The following SMG7 variants were observed in gnomAD, a reference collection of about 807,000 sequenced individuals.
SMG7 encodes nonsense-mediated mRNA decay factor SMG7.
In SMG7, 34 loss-of-function variants were observed where a neutral mutation model predicts 148.2. The ratio of observed to expected loss-of-function variants is 0.23; its 90% CI spans 0.17 to 0.31. The LOEUF is 0.31. SMG7 is among the 10% of genes least tolerant of loss of function. The probability of loss-of-function intolerance (pLI) is 1.00; values close to 1 mark genes in which losing one functional copy is unlikely to be tolerated. For synonymous variants in SMG7, 492 were observed against 515.1 expected (o/e 0.96, Z 0.61); for missense variants, 1,114 against 1,408.4 (o/e 0.79, Z 3.35).
At chr1:183,508,577 T>C (rs186682413) in intron 1 of SMG7, among the ~76,000 whole-genome samples, 2 of 152,338 alleles carry the variant, frequency 1.3e-5, no homozygotes, top group African/African-American at 4.8e-5. Context: ...ACGTATCCAT[T>C]GATTTGATTT....
At chr1:183,538,351 G>A in intron 11 of SMG7, 29 bp from the exon 12 acceptor site, 12 of 1,557,944 alleles carry the variant, frequency 7.7e-6, no homozygotes, top group Non-Finnish European at 1.1e-5. Context: ...TAATTAAAAT[G>A]TTTGCAAATT....
At chr1:183,497,446 G>C (rs920033010) in intron 1 of SMG7, among the ~76,000 whole-genome samples, 6 of 152,206 alleles carry the variant, frequency 3.9e-5, no homozygotes, top group African/African-American at 1.4e-4. Flanking sequence ...CCAAACCCAG[G>C]ATTGGTAGGA....
intron 16 of SMG7, 77 bp downstream of exon 16, chr1:183,545,389 C>A: frequency 6.8e-7 from 1 of 1,478,916 alleles, no homozygotes; most frequent in Non-Finnish European, 9.1e-7. Context: ...TAGAAATGCT[C>A]ATTAAACTTT....
Position 183,544,471 on chromosome 1 carries a change from C to G in SMG7, c.1961C>G (p.Ala654Gly). The change falls in exon 15 of 23, where the codon GCC becomes GGC. Residue 654 changes from alanine to glycine, a missense_variant. By Grantham distance (60) the Ala-to-Gly change is moderately conservative. This residue lies in a region of SMG7 where 788 missense variants were observed against 894.5 expected (regional missense o/e 0.88). Coordinates refer to ENST00000688051, the MANE Select transcript of SMG7 (RefSeq NM_001375584.1). ...TTCATCCCCATTCATCACCCTGGAG[C>G]CTTCCCTCCTCTTCCCAGCAGGCCA... Reference protein sequence around the residue: ...SQFIPIHHPGAFPPLPSRPGF... With the variant: ...SQFIPIHHPGGFPPLPSRPGF... The G allele has an allele frequency of 4.3e-6, 7 of 1,613,860 alleles. No homozygotes were observed. The highest frequency in any genetic ancestry group is 5.9e-6 in the Non-Finnish European group (7 of 1,179,814).
At chr1:183,487,575 GC>G (rs1655787499) in intron 1 of SMG7, among the ~76,000 whole-genome samples, 1 of 152,202 alleles carries the variant, frequency 6.6e-6, no homozygotes, top group Non-Finnish European at 1.5e-5. Flanking sequence ...ATAGAACTCA[GC>G]CTGTGAAGAC....
intron 1 of SMG7, among the ~76,000 whole-genome samples, chr1:183,477,606 G>A (rs1205744928): frequency 9.4e-6 from 1 of 106,480 alleles, no homozygotes; most frequent in Non-Finnish European, 1.9e-5. Flanking sequence ...GTGTATATAT[G>A]CATATATACG....
At chr1:183,531,226 C>G (rs944681831) in intron 8 of SMG7, among the ~76,000 whole-genome samples, 1 of 152,098 alleles carries the variant, frequency 6.6e-6, no homozygotes, top group East Asian at 1.9e-4. Context: ...GTGTTTCTAA[C>G]AACCTTTAGC....
At chr1:183,505,835 G>T (rs1660775437) in intron 1 of SMG7, among the ~76,000 whole-genome samples, 1 of 152,022 alleles carries the variant, frequency 6.6e-6, no homozygotes, top group Non-Finnish European at 1.5e-5. Context: ...AACTTACCAG[G>T]TATTTCTTGA....
At chr1:183,542,899 T>A (rs1041366866) in intron 14 of SMG7, among the ~76,000 whole-genome samples, 1 of 151,244 alleles carries the variant, frequency 6.6e-6, no homozygotes, top group Non-Finnish European at 1.5e-5. Context: ...TGCAGTTTTT[T>A]TTTTTAGATT....
rs201265701 is a variant in SMG7, at chr1:183,526,637, A to G, written c.354A>G (p.Pro118=). 1.2e-6 allele frequency: 2 copies of G among 1,613,462 alleles called. No homozygotes were observed. Among genetic ancestry groups the G allele is most frequent in the Non-Finnish European group, 8.5e-7 (1 of 1,179,552 alleles). The stretch of plus-strand genomic sequence containing the variant: ...GTACAGTATTTAATGTAGATTTACC[A>G]TGCCGTGTGAAGTCTTCCCAATTGG... ...ELCTVFNVDL[P]CRVKSSQLGI... Residue 118 remains proline, a synonymous_variant, in exon 5 of 23, where the codon CCA becomes CCG. Coordinates refer to ENST00000688051, the MANE Select transcript of SMG7 (RefSeq NM_001375584.1).
At chr1:183,509,310 GCTAA>G (rs1226706157) in intron 1 of SMG7, among the ~76,000 whole-genome samples, 20 of 152,070 alleles carry the variant, frequency 1.3e-4, no homozygotes, top group African/African-American at 4.3e-4. Flanking sequence ...TTTAATTTAG[GCTAA>G]CTGACTTAAA....
chr1:183,547,888 A>T (rs1030275714), intron 18 of SMG7, among the ~76,000 whole-genome samples: 1 of 152,232 alleles, frequency 6.6e-6, no homozygotes, highest in Non-Finnish European at 1.5e-5. Context: ...CCTGCATTTC[A>T]AAGAACATCA....
intron 1 of SMG7, among the ~76,000 whole-genome samples, chr1:183,495,641 C>T (rs758700879): frequency 5.9e-5 from 9 of 152,160 alleles, no homozygotes; most frequent in South Asian, 2.1e-4. Context: ...GAGGCCGAGT[C>T]GGGCGGATCA....
intron 4 of SMG7, among the ~76,000 whole-genome samples, chr1:183,522,193 A>C (rs186366863): frequency 3.4e-4 from 52 of 152,296 alleles, no homozygotes; most frequent in Admixed American, 2.9e-3. Context: ...TTTGACATCT[A>C]AGTAGAGATT....
rs372630167 is a variant in SMG7 at position 183,546,002 on chromosome 1, C to T, written c.2407C>T (p.Pro803Ser). ...QADASKQLWNPPQVQGPLGKI... is the reference protein window; with the variant it reads ...QADASKQLWNSPQVQGPLGKI... ...AGATGCCTCCAAACAGCTGTGGAATCCCCCTCAGGTTCAAGGCCCATTAGG... is the reference window on the plus strand; with the variant it reads ...AGATGCCTCCAAACAGCTGTGGAATTCCCCTCAGGTTCAAGGCCCATTAGG... The change falls in exon 17 of 23, where the codon CCC (proline) becomes TCC (serine). Residue 803 changes from proline (P) to serine (S), a missense_variant. Pro to Ser is a moderately conservative substitution (Grantham distance 74). Transcript: ENST00000688051. 1 of 1,611,222 alleles carries T rather than the reference C, an allele frequency of 6.2e-7. No individual in the cohort carries two copies. Among genetic ancestry groups the T allele is most frequent in the Non-Finnish European group, 8.5e-7 (1 of 1,178,964 alleles).
chr1:183,549,632 A>G, intron 19 of SMG7, 132 bp from the exon 20 acceptor site: 2 of 735,398 alleles, frequency 2.7e-6, no homozygotes, highest in Middle Eastern at 3.9e-4. Context: ...AAACAAAAAG[A>G]AATAAAAGCC....
chr1:183,486,848 C>T lies in SMG7; in HGVS notation c.29+14199C>T, dbSNP rs146534471. On this transcript the variant is annotated intron_variant, in intron 1 of 22. Coordinates refer to ENST00000688051, the MANE Select transcript of SMG7 (RefSeq NM_001375584.1). ...GAGTAGCTAGGACTACAGGCGCACG[C>T]CACCACACCCAGCTAATTTTGGAAT... Among the ~76,000 whole-genome samples the T allele has an allele frequency of 7.5e-3, 1,141 of 152,302 alleles. 16 individuals carry two copies. Among genetic ancestry groups the T allele is most frequent in the African/African-American group, 0.026 (1,081 of 41,552 alleles).
rs1666018513 is a variant in SMG7 at position 183,527,086 on chromosome 1, T to C, written c.484+319T>C. On this transcript the variant is annotated intron_variant, in intron 5 of 22. Transcript: ENST00000688051. The surrounding 1 kb of genome is among the most constrained non-coding windows in gnomAD (Gnocchi z 4.0). ...GTGGTGCCATAATTTCTAAATTAAA[T>C]GTACTCTTCTGGAATAAATGAGGTT... Among the ~76,000 whole-genome samples the C allele has an allele frequency of 6.6e-6, 1 of 152,220 alleles. No homozygotes were observed. The highest frequency in any genetic ancestry group is 2.4e-5 in the African/African-American group (1 of 41,472).
intron 8 of SMG7, 25 bp downstream of exon 8, chr1:183,529,558 T>G (rs1232645833): frequency 6.3e-7 from 1 of 1,598,170 alleles, no homozygotes; most frequent in South Asian, 1.1e-5. Context: ...ATAGAGAATT[T>G]TTGTCTTGTC....
Sources: allele counts gnomAD v4.1 joint callset (sites outside exome capture counted in the v4.1 genomes callset), GRCh38; gene constraint gnomAD v4.1.1; regional missense constraint gnomAD v4.1.1; non-coding constraint Gnocchi (gnomAD v3.1); transcripts MANE v1.5; gene names NCBI Gene and HGNC (gene_info 2026-07-23, HGNC 2026-07-21).